CACNG3: variants seen among roughly 807,000 people sequenced by gnomAD.
CACNG3 encodes voltage-dependent calcium channel gamma-3 subunit.
CACNG3 carries 3 observed loss-of-function variants against 28.5 expected under a neutral mutation model. The observed-to-expected ratio is 0.11, with a 90% CI of 0.05 to 0.27. CACNG3 has a LOEUF of 0.27. Among genes scored for constraint, CACNG3 ranks in the 10% least tolerant of loss-of-function variants. CACNG3 has a pLI of 1.00. For synonymous variants in CACNG3, 174 were observed against 162.2 expected (o/e 1.07, Z -0.55); for missense variants, 236 against 414.4 (o/e 0.57, Z 3.74).
At chr16:24,335,015 C>G (rs1034998236) in intron 1 of CACNG3, among the ~76,000 whole-genome samples, 1 of 152,192 alleles carries the variant, frequency 6.6e-6, no homozygotes, top group Non-Finnish European at 1.5e-5. Flanking sequence ...CCCTGTTAAC[C>G]CTCTTCCCAG....
At chr16:24,268,257 A>G (rs1898641676) in intron 1 of CACNG3, among the ~76,000 whole-genome samples, 1 of 152,230 alleles carries the variant, frequency 6.6e-6, no homozygotes, top group Non-Finnish European at 1.5e-5. Context: ...AGCCCTGTCT[A>G]CTACTAGTTG....
At position 24,291,779 on chromosome 16, in the gene CACNG3, A is replaced by T. The variant is rs574304164; in HGVS notation, c.211+34814A>T. On this transcript the variant is annotated intron_variant, in intron 1 of 3. Coordinates refer to ENST00000005284, the MANE Select transcript of CACNG3 (RefSeq NM_006539.4). ...AGGAGAGAGAGAAAATAATGGCACCATCCGTGTATGGCTGGGATAAGGATT... is the reference window on the plus strand; with the variant it reads ...AGGAGAGAGAGAAAATAATGGCACCTTCCGTGTATGGCTGGGATAAGGATT... 5.3e-5 allele frequency among the ~76,000 whole-genome samples: 8 copies of T among 152,280 alleles called. No individual in the cohort carries two copies. The South Asian group carries it at 1.0e-3, about 20-fold the overall frequency.
rs140787661 is a variant in CACNG3 at position 24,314,733 on chromosome 16, G to GCCTCCTCCTCCTCCTCCTCCT, written c.212-31983_212-31963dup. 2.9e-4 allele frequency among the ~76,000 whole-genome samples: 34 copies of GCCTCCTCCTCCTCCTCCTCCT among 119,096 alleles called. No individual in the cohort carries two copies. In the East Asian group the frequency reaches 3.0e-3, roughly 11 times the overall value. 78.1% of individuals were successfully genotyped at this position (119,096 alleles called of 152,430 possible). A position where few individuals can be genotyped will look rare whatever the true frequency, so the allele number is the denominator to read the frequency against. ...CCTGGCAAATTCTCCTAGGACTCTC[G>GCCTCCTCCTCCTCCTCCTCCT]CCTCCTCCTCCTCCTCCTCCTCCTC... On this transcript the variant is annotated intron_variant, in intron 1 of 3. Coordinates refer to ENST00000005284, the MANE Select transcript of CACNG3 (RefSeq NM_006539.4).
intron 2 of CACNG3, among the ~76,000 whole-genome samples, chr16:24,351,677 A>G (rs374709180): frequency 1.4e-5 from 2 of 142,130 alleles, no homozygotes; most frequent in African/African-American, 2.8e-5. Flanking sequence ...AAAGAAAGAA[A>G]GAAAGAAGGA....
intron 1 of CACNG3, among the ~76,000 whole-genome samples, chr16:24,264,838 C>T (rs925960122): frequency 1.3e-5 from 2 of 152,200 alleles, no homozygotes; most frequent in Non-Finnish European, 2.9e-5. Context: ...TTTGATATAA[C>T]ACAGTTGAAA....
In CACNG3 at chr16:24,317,188, A is replaced by G. The variant is rs541222412; in HGVS notation, c.212-29546A>G. Among the ~76,000 whole-genome samples, 15 of 152,264 alleles carry G rather than the reference A, an allele frequency of 9.9e-5. No homozygotes were observed. In the South Asian group the frequency reaches 2.3e-3, roughly 23 times the overall value. ...TATAATAGGTCATTCCGATTTTCCA[A>G]TTGAGGAAACTGAAGCTTAGAGATG... On this transcript the variant is annotated intron_variant, in intron 1 of 3. Coordinates refer to ENST00000005284, the MANE Select transcript of CACNG3 (RefSeq NM_006539.4).
rs1245808966 is a variant in CACNG3 at position 24,343,497 on chromosome 16, C to T, written c.212-3237C>T. Reference sequence around the variant, plus strand: ...GATGGTGTCACTACCAACACCCTTCCCCTGCCCAGGTGCCCCTGGGACATG... The same window carrying T: ...GATGGTGTCACTACCAACACCCTTCTCCTGCCCAGGTGCCCCTGGGACATG... On this transcript the variant is annotated intron_variant, in intron 1 of 3. Transcript: ENST00000005284. Among the ~76,000 whole-genome samples, 4 of 152,228 alleles carry T rather than the reference C, an allele frequency of 2.6e-5. No individual in the cohort carries two copies. In the East Asian group the frequency reaches 5.8e-4, roughly 22 times the overall value.
chr16:24,318,010 C>A (rs1387899120), intron 1 of CACNG3, among the ~76,000 whole-genome samples: 2 of 152,192 alleles, frequency 1.3e-5, no homozygotes, highest in African/African-American at 4.8e-5. Flanking sequence ...GATGCCCCTT[C>A]TCTGAGAGGC....
At chr16:24,276,448 G>A (rs1898754769) in intron 1 of CACNG3, among the ~76,000 whole-genome samples, 2 of 152,204 alleles carry the variant, frequency 1.3e-5, no homozygotes, top group Admixed American at 1.3e-4. Flanking sequence ...GAGAGCCTCT[G>A]CTACAGCTGT....
intron 1 of CACNG3, among the ~76,000 whole-genome samples, chr16:24,328,381 T>C (rs910817850): frequency 2.0e-5 from 3 of 149,570 alleles, no homozygotes; most frequent in African/African-American, 4.9e-5. Flanking sequence ...GGAGAGGGGC[T>C]GGGGCCACAT....
At chr16:24,321,627 C>T (rs192488569) in intron 1 of CACNG3, among the ~76,000 whole-genome samples, 185 of 152,238 alleles carry the variant, frequency 1.2e-3, no homozygotes, top group African/African-American at 4.3e-3. Flanking sequence ...AGCTGTCAAG[C>T]GCTTCCTTTA....
At chr16:24,265,367 G>GAAAA (rs1555458123) in intron 1 of CACNG3, among the ~76,000 whole-genome samples, 1 of 133,688 alleles carries the variant, frequency 7.5e-6, no homozygotes, top group Admixed American at 7.8e-5. Context: ...AAGAAAGAAA[G>GAAAA]AAAAAAGAAA....
chr16:24,293,031 A>G (rs994761803), intron 1 of CACNG3, among the ~76,000 whole-genome samples: 1 of 152,236 alleles, frequency 6.6e-6, no homozygotes, highest in African/African-American at 2.4e-5. Flanking sequence ...CATCACAGAC[A>G]CCTGACTCTT....
chr16:24,305,367 TA>T (rs1899172813), intron 1 of CACNG3, among the ~76,000 whole-genome samples: 5 of 141,756 alleles, frequency 3.5e-5, no homozygotes, highest in Non-Finnish European at 7.7e-5. Context: ...TGTGTGTGTG[TA>T]GACAGGTTTA....
chr16:24,264,457 T>C (rs376572286), intron 1 of CACNG3, among the ~76,000 whole-genome samples: 1 of 152,142 alleles, frequency 6.6e-6, no homozygotes, highest in East Asian at 1.9e-4. Flanking sequence ...GGAAAGGAAG[T>C]TGCAGTAGGA....
rs1164065959 is a variant in CACNG3 at position 24,346,783 on chromosome 16, T to G, written c.261T>G (p.Ala87=). The G allele has an allele frequency of 6.2e-7, 1 of 1,614,178 alleles. No homozygotes were observed. The highest frequency in any genetic ancestry group is 8.5e-7 in the Non-Finnish European group (1 of 1,180,008). ...AAATCGATCACTTCCCTGAAGATGCTGACTACGAACAGGACACAGCCGAAT... is the reference window on the plus strand; with the variant it reads ...AAATCGATCACTTCCCTGAAGATGCGGACTACGAACAGGACACAGCCGAAT... The part of the protein sequence containing the change: ...CKKIDHFPED[A]DYEQDTAEYL... The change falls in exon 2 of 4, where the codon GCT becomes GCG. Residue 87 remains alanine (A), a synonymous_variant. Transcript: ENST00000005284.
At chr16:24,257,369 GAGAGAGAGAGA>G (rs1160307734) in intron 1 of CACNG3, among the ~76,000 whole-genome samples, 248 of 19,634 alleles carry the variant, frequency 0.013, 19 homozygotes, top group African/African-American at 0.028. Flanking sequence ...AGTGAGGGGG[GAGAGAGAGAGA>G]GAGAGAGAGA....
chr16:24,351,645 G>T, intron 2 of CACNG3, among the ~76,000 whole-genome samples: 1 of 124,716 alleles, frequency 8.0e-6, no homozygotes, highest in East Asian at 2.7e-4. Context: ...AGGGGAAGGG[G>T]AGGGGGAAAG....
intron 1 of CACNG3, among the ~76,000 whole-genome samples, chr16:24,272,470 A>C (rs911877104): frequency 6.6e-6 from 1 of 152,084 alleles, no homozygotes; most frequent in Non-Finnish European, 1.5e-5. Context: ...ACTTTTTAAC[A>C]ATTATCTTAC....
Sources: allele counts gnomAD v4.1 joint callset (sites outside exome capture counted in the v4.1 genomes callset), GRCh38; gene constraint gnomAD v4.1.1; transcripts MANE v1.5; gene names NCBI Gene and HGNC (gene_info 2026-07-23, HGNC 2026-07-21).